The following GALNT13 variants were observed in gnomAD, a reference collection of about 807,000 sequenced individuals.
GALNT13 encodes the protein UDP-GalNAc:polypeptide N-acetylgalactosaminyltransferase 13.
In GALNT13, 28 loss-of-function variants were observed where a neutral mutation model predicts 64.2. The observed-to-expected ratio is 0.44, with a 90% CI of 0.32 to 0.60. GALNT13 has a LOEUF of 0.60. Among genes scored for constraint, GALNT13 ranks in the 20% least tolerant of loss-of-function variants. The probability of loss-of-function intolerance (pLI) is 0.05; values close to 1 mark genes in which losing one functional copy is unlikely to be tolerated. For missense variants in GALNT13, 577 were observed against 669.8 expected (o/e 0.86, Z 1.53); for synonymous variants, 214 against 224.6 (o/e 0.95, Z 0.42).
chr2:153,497,522 ATTTTTTTTTTTTTTTTT>A, the GALNT13 span, among the ~76,000 whole-genome samples: 7 of 36,896 alleles, frequency 1.9e-4, no homozygotes, highest in South Asian at 1.5e-3. Context: ...TTTCTCCCGC[ATTTTTTTTTTTTTTTTT>A]TTTTTTTTTT....
chr2:153,810,986 C>T, the GALNT13 span, among the ~76,000 whole-genome samples: 1 of 152,084 alleles, frequency 6.6e-6, no homozygotes, highest in African/African-American at 2.4e-5. Flanking sequence ...GTCATTTAAC[C>T]TTTTTGAACC....
At chr2:153,895,819 C>A in intron 1 of GALNT13, among the ~76,000 whole-genome samples, 1 of 151,798 alleles carries the variant, frequency 6.6e-6, no homozygotes, top group Non-Finnish European at 1.5e-5. Context: ...GCACAAGGAC[C>A]TTCACAGTAA....
chr2:153,433,015 T>C, the GALNT13 span, among the ~76,000 whole-genome samples: 1 of 152,038 alleles, frequency 6.6e-6, no homozygotes, highest in Non-Finnish European at 1.5e-5. Context: ...CACAGGCATA[T>C]ACATAGACAC....
the GALNT13 span, among the ~76,000 whole-genome samples, chr2:153,414,809 C>T: frequency 6.6e-6 from 1 of 152,140 alleles, no homozygotes; most frequent in African/African-American, 2.4e-5. Context: ...AATTTTGTCT[C>T]TGTTTGTACC....
At chr2:153,451,251 A>G in the GALNT13 span, among the ~76,000 whole-genome samples, 3 of 152,174 alleles carry the variant, frequency 2.0e-5, no homozygotes, top group Non-Finnish European at 4.4e-5. Context: ...AATCTAGTAA[A>G]TAAGATTCTT....
At chr2:153,625,321 G>A in the GALNT13 span, among the ~76,000 whole-genome samples, 33 of 151,990 alleles carry the variant, frequency 2.2e-4, no homozygotes, top group Non-Finnish European at 2.6e-4. Flanking sequence ...TACAAACAGC[G>A]GAGGTAATGA....
At chr2:153,384,224 C>T in the GALNT13 span, among the ~76,000 whole-genome samples, 2 of 151,998 alleles carry the variant, frequency 1.3e-5, no homozygotes, top group African/African-American at 4.8e-5. Context: ...CTGATTGTTT[C>T]ACCAAACAGG....
At chr2:153,663,684 G>A in the GALNT13 span, among the ~76,000 whole-genome samples, 6 of 152,162 alleles carry the variant, frequency 3.9e-5, no homozygotes, top group African/African-American at 1.4e-4. Context: ...AAAGTCCATG[G>A]CAGTAGCTGA....
the GALNT13 span, among the ~76,000 whole-genome samples, chr2:153,735,190 T>C: frequency 6.6e-6 from 1 of 152,184 alleles, no homozygotes; most frequent in Admixed American, 6.6e-5. Context: ...CTGATTTTAT[T>C]TCTGAGAGCC....
rs1368234741 is a variant in GALNT13, at chr2:153,993,658, T to G, written c.142+49019T>G. Among the ~76,000 whole-genome samples the G allele has an allele frequency of 1.2e-4, 16 of 135,354 alleles. No individual in the cohort carries two copies. The Admixed American group carries it at 1.3e-3, about 11-fold the overall frequency. The allele number at this position is 135,354 out of a possible 152,430, so 88.8% of individuals were successfully genotyped here. A position where few individuals can be genotyped will look rare whatever the true frequency, so the allele number is the denominator to read the frequency against. ...TTGCATTGAGCCGAGATCGTGCCAC[T>G]GTACTTCAGCCTGGGCGACAGAGCA... On this transcript the variant is annotated intron_variant, in intron 3 of 12. Transcript: ENST00000392825.
the GALNT13 span, among the ~76,000 whole-genome samples, chr2:153,618,663 G>C: frequency 6.6e-6 from 1 of 151,802 alleles, no homozygotes; most frequent in Non-Finnish European, 1.5e-5. Flanking sequence ...TCTCTCTTTA[G>C]CTCTAATGAT....
At chr2:153,468,019 G>C in the GALNT13 span, among the ~76,000 whole-genome samples, 2 of 151,726 alleles carry the variant, frequency 1.3e-5, no homozygotes, top group East Asian at 3.9e-4. Context: ...TGAAACGCAG[G>C]AGTATTAAAA....
the GALNT13 span, among the ~76,000 whole-genome samples, chr2:153,684,315 G>A: frequency 6.6e-6 from 1 of 151,554 alleles, no homozygotes; most frequent in East Asian, 1.9e-4. Flanking sequence ...GGGTTACTGT[G>A]TCTATATTTT....
At chr2:153,484,690 C>T in the GALNT13 span, among the ~76,000 whole-genome samples, 3 of 152,134 alleles carry the variant, frequency 2.0e-5, no homozygotes, top group Non-Finnish European at 4.4e-5. Flanking sequence ...CCAAACCAAA[C>T]CCACAATGAT....
intron 9 of GALNT13, among the ~76,000 whole-genome samples, chr2:154,362,239 C>A: frequency 6.8e-6 from 1 of 146,484 alleles, no homozygotes; most frequent in Admixed American, 6.9e-5. Context: ...CAAATTCTAC[C>A]CCCACCCCCA....
chr2:153,274,633 AT>A, the GALNT13 span, among the ~76,000 whole-genome samples: 1 of 152,206 alleles, frequency 6.6e-6, no homozygotes, highest in Admixed American at 6.5e-5. Flanking sequence ...GTGAGTCAAA[AT>A]TTCTGTATAT....
At chr2:154,069,580 A>C (rs528320557) in intron 3 of GALNT13, among the ~76,000 whole-genome samples, 1 of 151,986 alleles carries the variant, frequency 6.6e-6, no homozygotes, top group Non-Finnish European at 1.5e-5. Flanking sequence ...TGGACATTAA[A>C]TAATTTTAAT....
At chr2:154,363,137 GCTAA>G (rs1242068100) in intron 9 of GALNT13, among the ~76,000 whole-genome samples, 1 of 151,938 alleles carries the variant, frequency 6.6e-6, no homozygotes, top group Non-Finnish European at 1.5e-5. Flanking sequence ...TGTTTGTTTT[GCTAA>G]CTTTTTCTCG....
the GALNT13 span, among the ~76,000 whole-genome samples, chr2:153,556,080 C>T: frequency 5.3e-5 from 8 of 152,122 alleles, no homozygotes; most frequent in Admixed American, 2.0e-4. Context: ...CAGTCAAGTG[C>T]TTTCAGGCAT....
Sources: allele counts gnomAD v4.1 joint callset (sites outside exome capture counted in the v4.1 genomes callset), GRCh38; gene constraint gnomAD v4.1.1; transcripts MANE v1.5; gene names NCBI Gene and HGNC (gene_info 2026-07-23, HGNC 2026-07-21).